SPOCK1: variants seen among roughly 807,000 people sequenced by gnomAD.
The protein encoded by SPOCK1 is testican-1.
Under a neutral mutation model 55.3 loss-of-function variants are expected in SPOCK1, and 23 were observed. That is an observed-to-expected ratio of 0.42 (90% CI 0.30 to 0.59). The LOEUF (loss-of-function observed/expected upper bound fraction) is 0.59, where lower values mean the gene tolerates loss of function less well. Ranked by LOEUF, SPOCK1 falls within the 20% of genes least tolerant of loss-of-function variation. The pLI is 0.22. For missense variants in SPOCK1, 499 were observed against 552.5 expected, an observed-to-expected ratio of 0.90 and a Z score of 0.97; for synonymous variants, 226 against 221.0, an observed-to-expected ratio of 1.02 and a Z score of -0.20.
At chr5:137,320,319 G>T (rs1223435147) in intron 2 of SPOCK1, among the ~76,000 whole-genome samples, 1 of 152,190 alleles carries the variant, frequency 6.6e-6, no homozygotes, top group South Asian at 2.1e-4. Context: ...GAGAACAAAA[G>T]AGAGCTCAGA....
At chr5:137,141,933 C>T (rs1754106353) in intron 3 of SPOCK1, among the ~76,000 whole-genome samples, 1 of 152,198 alleles carries the variant, frequency 6.6e-6, no homozygotes, top group African/African-American at 2.4e-5. Flanking sequence ...ATAGGCTGAG[C>T]AGCAGGTCCT....
Position 137,260,438 on chromosome 5 carries a change from AG to A in SPOCK1, c.232+6571del, listed in dbSNP as rs1156576064. On this transcript the variant is annotated intron_variant, in intron 3 of 10. Coordinates refer to ENST00000394945, the MANE Select transcript of SPOCK1 (RefSeq NM_004598.4). ...GTTAAGTGGAATAAACAGATTAGAG[AG>A]GGAAACATTAATTTCTATTGTAAAA... 2.0e-5 allele frequency among the ~76,000 whole-genome samples: 3 copies of A among 152,370 alleles called. No individual in the cohort carries two copies. The East Asian group carries it at 5.8e-4, about 29-fold the overall frequency.
intron 3 of SPOCK1, among the ~76,000 whole-genome samples, chr5:137,157,527 A>G (rs1266071486): frequency 1.3e-5 from 2 of 152,182 alleles, no homozygotes; most frequent in African/African-American, 4.8e-5. Flanking sequence ...TCCCAGAGCA[A>G]GAAAGGGACC....
At chr5:137,376,653 A>G (rs1380570948) in intron 2 of SPOCK1, among the ~76,000 whole-genome samples, 1 of 152,178 alleles carries the variant, frequency 6.6e-6, no homozygotes, top group Non-Finnish European at 1.5e-5. Flanking sequence ...CTGAGGGAAA[A>G]GAATAAGCCT....
intron 3 of SPOCK1, among the ~76,000 whole-genome samples, chr5:137,143,682 T>C (rs1426339307): frequency 6.6e-6 from 1 of 152,188 alleles, no homozygotes; most frequent in Non-Finnish European, 1.5e-5. Flanking sequence ...TTGTCTTTTT[T>C]CCCAGAGTAA....
intron 6 of SPOCK1, among the ~76,000 whole-genome samples, chr5:137,026,516 C>G (rs1045398555): frequency 6.6e-6 from 1 of 152,204 alleles, no homozygotes; most frequent in East Asian, 1.9e-4. Context: ...GGGTCTCCAG[C>G]CTGCCAGCTC....
chr5:136,987,729 G>A (rs1348781089), intron 8 of SPOCK1, among the ~76,000 whole-genome samples: 1 of 151,838 alleles, frequency 6.6e-6, no homozygotes, highest in Admixed American at 6.5e-5. Context: ...GCCTGTAGTT[G>A]TATGTTCTCC....
At chr5:137,122,246 C>CAT (rs1753699596) in intron 4 of SPOCK1, among the ~76,000 whole-genome samples, 1 of 120,318 alleles carries the variant, frequency 8.3e-6, no homozygotes, top group Non-Finnish European at 1.7e-5. Context: ...GTTATACACA[C>CAT]ACACACACAC....
chr5:136,992,613 A>T lies in SPOCK1; in HGVS notation c.590-13T>A, dbSNP rs1230263801. 1.2e-6 allele frequency: 2 copies of T among 1,604,878 alleles called. No homozygotes were observed. The highest frequency in any genetic ancestry group is 2.7e-5 in the African/African-American group (2 of 74,584). Reference sequence around the variant, plus strand: ...TTGTCTGTGCAGGCTAGAGAAAAGCAAACAGAACAGACAATGGGGCTGGGG... The same window carrying T: ...TTGTCTGTGCAGGCTAGAGAAAAGCTAACAGAACAGACAATGGGGCTGGGG... On this transcript the variant is annotated splice_polypyrimidine_tract_variant and intron_variant, in intron 6 of 10. Transcript: ENST00000394945.
chr5:137,021,950 T>C (rs1580711482), intron 6 of SPOCK1, among the ~76,000 whole-genome samples: 1 of 152,178 alleles, frequency 6.6e-6, no homozygotes, highest in South Asian at 2.1e-4. Context: ...GAAAACAAAT[T>C]TTTGGAAAAA....
chr5:137,313,952 C>T (rs1024446001), intron 2 of SPOCK1, among the ~76,000 whole-genome samples: 4 of 149,878 alleles, frequency 2.7e-5, no homozygotes, highest in Non-Finnish European at 4.4e-5. Flanking sequence ...CTAGAGCCTG[C>T]TTTTTGTGTT....
At chr5:137,060,692 T>C (rs1752380473) in intron 6 of SPOCK1, among the ~76,000 whole-genome samples, 1 of 152,152 alleles carries the variant, frequency 6.6e-6, no homozygotes, top group Non-Finnish European at 1.5e-5. Flanking sequence ...ATCAAAGCCA[T>C]TAATTTCTAG....
chr5:137,452,018 T>G (rs186058344), intron 2 of SPOCK1, among the ~76,000 whole-genome samples: 6 of 152,326 alleles, frequency 3.9e-5, no homozygotes, highest in African/African-American at 1.2e-4. Flanking sequence ...CATCTCAAAT[T>G]TGAAAATCCA....
Position 137,332,468 on chromosome 5 carries a change from C to T in SPOCK1, c.187-65413G>A, listed in dbSNP as rs375872505. On this transcript the variant is annotated intron_variant, in intron 2 of 10. Coordinates refer to ENST00000394945, the MANE Select transcript of SPOCK1 (RefSeq NM_004598.4). ...ACAGAGCACCTAGCACAAAACCAGC[C>T]GTCAGTAACACTTGCCTAATGCTTG... Among the ~76,000 whole-genome samples, 18 of 152,112 alleles carry T rather than the reference C, an allele frequency of 1.2e-4. No homozygotes were observed. In the East Asian group the frequency reaches 1.3e-3, roughly 11 times the overall value.
chr5:137,152,833 G>T (rs1365419473), intron 3 of SPOCK1, among the ~76,000 whole-genome samples: 1 of 152,114 alleles, frequency 6.6e-6, no homozygotes, highest in Non-Finnish European at 1.5e-5. Context: ...CATCTGAGGT[G>T]CTTTCATGTC....
chr5:137,103,545 C>T (rs1256410417), intron 5 of SPOCK1, among the ~76,000 whole-genome samples: 1 of 152,196 alleles, frequency 6.6e-6, no homozygotes, highest in African/African-American at 2.4e-5. Context: ...AGAATGACAG[C>T]AGACTAAAAG....
At chr5:137,135,364 C>G (rs915814599) in intron 4 of SPOCK1, among the ~76,000 whole-genome samples, 1 of 152,238 alleles carries the variant, frequency 6.6e-6, no homozygotes, top group Admixed American at 6.5e-5. Flanking sequence ...GCCATGCAGA[C>G]TAGCAGAAAA....
intron 4 of SPOCK1, among the ~76,000 whole-genome samples, chr5:137,118,563 C>CA (rs1753632704): frequency 6.6e-6 from 1 of 152,202 alleles, no homozygotes; most frequent in Non-Finnish European, 1.5e-5. Flanking sequence ...TTGACCATGG[C>CA]ATAATGGGGC....
At chr5:137,492,036 C>T (rs1223238307) in intron 2 of SPOCK1, among the ~76,000 whole-genome samples, 1 of 152,176 alleles carries the variant, frequency 6.6e-6, no homozygotes, top group African/African-American at 2.4e-5. Context: ...AACCCATAAG[C>T]TTGGTCAACA....
Sources: gnomAD v4.1 joint callset for allele counts (sites outside exome capture counted in the v4.1 genomes callset) on GRCh38, gnomAD v4.1.1 for gene constraint, MANE v1.5 for transcripts, NCBI Gene and HGNC (gene_info 2026-07-23, HGNC 2026-07-21) for gene names.